KIAA1217: variants seen among roughly 807,000 people sequenced by gnomAD.
KIAA1217 encodes sickle tail protein homolog.
A neutral mutation model predicts 163.9 loss-of-function variants in KIAA1217; 88 were observed. That is an observed-to-expected ratio of 0.54 (90% CI 0.45 to 0.64). KIAA1217 has a LOEUF of 0.64. KIAA1217 is among the 30% of genes least tolerant of loss of function. The pLI is 0.00. For missense variants in KIAA1217, 2,372 were observed against 2,475.0 expected, an observed-to-expected ratio of 0.96 and a Z score of 0.88; for synonymous variants, 903 against 923.1, an observed-to-expected ratio of 0.98 and a Z score of 0.39.
intron 2 of KIAA1217, among the ~76,000 whole-genome samples, chr10:24,033,401 T>G (rs1311519810): frequency 2.0e-5 from 3 of 152,170 alleles, no homozygotes; most frequent in Non-Finnish European, 4.4e-5. Flanking sequence ...TGGCCACCTA[T>G]ATAAAGTCAC....
At chr10:23,875,166 C>T (rs768669800) in intron 1 of KIAA1217, among the ~76,000 whole-genome samples, 17 of 151,614 alleles carry the variant, frequency 1.1e-4, no homozygotes, top group Non-Finnish European at 2.5e-4. Flanking sequence ...TACCTCCCAC[C>T]AGGCTCCAGT....
rs145888165 is a variant in KIAA1217 at position 23,902,182 on chromosome 10, T to C, written c.-320-105043T>C. Among the ~76,000 whole-genome samples, 170 of 152,210 alleles carry C rather than the reference T, an allele frequency of 1.1e-3. 1 individual carries two copies. The highest frequency in any genetic ancestry group is 4.0e-3 in the African/African-American group (165 of 41,550). ...GTTGTATTTTTCCCGTGGAATACTA[T>C]GCAGTCATAAAAAGGAACAAGATTA... On this transcript the variant is annotated intron_variant, in intron 1 of 18. Coordinates refer to the KIAA1217 transcript ENST00000376462.
chr10:24,437,038 T>A (rs1023123852), intron 4 of KIAA1217, among the ~76,000 whole-genome samples: 3 of 152,200 alleles, frequency 2.0e-5, no homozygotes, highest in Non-Finnish European at 2.9e-5. Flanking sequence ...TGTTGGTTCA[T>A]CTCAGATGAA....
intron 2 of KIAA1217, among the ~76,000 whole-genome samples, chr10:24,352,329 A>G (rs1048069627): frequency 2.0e-5 from 3 of 152,210 alleles, no homozygotes; most frequent in African/African-American, 7.2e-5. Flanking sequence ...AATGTTTCAC[A>G]TGGAATAATC....
At chr10:23,885,258 T>C (rs10828564) in intron 1 of KIAA1217, among the ~76,000 whole-genome samples, 29,824 of 151,732 alleles carry the variant, frequency 0.2, 3,039 homozygotes, top group Middle Eastern at 0.22. Context: ...ATATAGTTAC[T>C]GTGTGTGTGT....
At chr10:24,466,440 C>A in intron 5 of KIAA1217, 1 of 748,482 alleles carries the variant, frequency 1.3e-6, no homozygotes, top group Non-Finnish European at 1.6e-6. Context: ...CGTGAGGTAG[C>A]CTGTGGTTGG....
chr10:23,934,342 G>A (rs1185939970), intron 1 of KIAA1217, among the ~76,000 whole-genome samples: 2 of 150,840 alleles, frequency 1.3e-5, no homozygotes, highest in African/African-American at 2.4e-5. Context: ...GAGAACACAC[G>A]GACAGGAGAG....
chr10:24,391,713 T>C (rs538805481), intron 3 of KIAA1217, among the ~76,000 whole-genome samples: 1 of 152,250 alleles, frequency 6.6e-6, no homozygotes, highest in Non-Finnish European at 1.5e-5. Flanking sequence ...TAAGTCACCT[T>C]TTTATAAAGT....
chr10:24,370,230 A>T (rs1430059884), intron 2 of KIAA1217, among the ~76,000 whole-genome samples: 1 of 140,086 alleles, frequency 7.1e-6, no homozygotes, highest in Non-Finnish European at 1.5e-5. Flanking sequence ...ACGCCACTGC[A>T]CTCCAGCCTG....
intron 1 of KIAA1217, among the ~76,000 whole-genome samples, chr10:23,885,452 A>G (rs191527558): frequency 8.5e-5 from 13 of 152,080 alleles, no homozygotes; most frequent in Non-Finnish European, 1.3e-4. Context: ...CTAAATGGGG[A>G]AACTGACAGA....
intron 3 of KIAA1217, among the ~76,000 whole-genome samples, chr10:24,398,940 G>A (rs1027635237): frequency 3.3e-5 from 5 of 152,040 alleles, no homozygotes; most frequent in African/African-American, 7.2e-5. Context: ...TACTGGCTGC[G>A]ACCAATTATT....
chr10:24,349,151 AAAGAG>A (rs2048161045), intron 2 of KIAA1217, among the ~76,000 whole-genome samples: 1 of 151,624 alleles, frequency 6.6e-6, no homozygotes, highest in Non-Finnish European at 1.5e-5. Flanking sequence ...AAAAAAAAAA[AAAGAG>A]AGATTGAGAT....
intron 2 of KIAA1217, among the ~76,000 whole-genome samples, chr10:24,135,422 C>T (rs916785660): frequency 6.6e-5 from 10 of 152,090 alleles, no homozygotes; most frequent in African/African-American, 2.2e-4. Context: ...CTTGCCTCCG[C>T]TGGGATTGGC....
chr10:24,517,110 C>T (rs535662454), intron 10 of KIAA1217, among the ~76,000 whole-genome samples: 10 of 150,720 alleles, frequency 6.6e-5, no homozygotes, highest in Non-Finnish European at 8.8e-5. Context: ...TTGAGCCTGG[C>T]GGGTCAAGGC....
At chr10:23,853,592 C>T (rs1202449364) in intron 1 of KIAA1217, among the ~76,000 whole-genome samples, 1 of 152,116 alleles carries the variant, frequency 6.6e-6, no homozygotes, top group Non-Finnish European at 1.5e-5. Context: ...AGGAATGGTA[C>T]CAATTCCTCC....
intron 2 of KIAA1217, among the ~76,000 whole-genome samples, chr10:24,358,376 C>G (rs1041690422): frequency 1.3e-5 from 2 of 152,112 alleles, no homozygotes; most frequent in Non-Finnish European, 2.9e-5. Context: ...TTCCCAGGCA[C>G]TTTGTAGAAC....
At chr10:23,868,036 A>G (rs1840278470) in intron 1 of KIAA1217, among the ~76,000 whole-genome samples, 1 of 152,150 alleles carries the variant, frequency 6.6e-6, no homozygotes, top group Non-Finnish European at 1.5e-5. Context: ...TATAAGGTGT[A>G]AGGAAGGGAT....
intron 1 of KIAA1217, among the ~76,000 whole-genome samples, chr10:23,967,982 A>G (rs1195715055): frequency 3.3e-5 from 5 of 150,410 alleles, no homozygotes; most frequent in Non-Finnish European, 5.9e-5. Context: ...GTTTTGGGAT[A>G]CATGTGTGGA....
chr10:24,241,267 AG>A (rs1301773205), intron 2 of KIAA1217, among the ~76,000 whole-genome samples: 1 of 152,206 alleles, frequency 6.6e-6, no homozygotes, highest in African/African-American at 2.4e-5. Context: ...TAGGAGGCAT[AG>A]AAAAAAAATG....
Sources: gnomAD v4.1 joint callset for allele counts (sites outside exome capture counted in the v4.1 genomes callset) on GRCh38, gnomAD v4.1.1 for gene constraint, MANE v1.5 for transcripts, NCBI Gene and HGNC (gene_info 2026-07-23, HGNC 2026-07-21) for gene names.